The following PLOD2 variants were observed in gnomAD, a reference collection of about 807,000 sequenced individuals.
PLOD2 encodes the protein lysine hydroxylase 2.
PLOD2 carries 65 observed loss-of-function variants against 101.0 expected under a neutral mutation model. That is an observed-to-expected ratio of 0.64 (90% confidence interval 0.53 to 0.79). PLOD2 has a LOEUF of 0.79. PLOD2 is among the 30% of genes least tolerant of loss of function. PLOD2 has a pLI of 0.00. For missense variants in PLOD2, 909 were observed against 914.6 expected, an observed-to-expected ratio of 0.99 and a Z score of 0.08; for synonymous variants, 314 against 302.9, an observed-to-expected ratio of 1.04 and a Z score of -0.38.
intron 7 of PLOD2, among the ~76,000 whole-genome samples, chr3:146,093,723 A>G (rs896439043): frequency 6.6e-6 from 1 of 152,172 alleles, no homozygotes; most frequent in Non-Finnish European, 1.5e-5. Context: ...TGGTATTTCC[A>G]CCATCTCAGA....
At chr3:146,084,210 A>G (rs1276868882) in intron 11 of PLOD2, among the ~76,000 whole-genome samples, 1 of 152,102 alleles carries the variant, frequency 6.6e-6, no homozygotes, top group Non-Finnish European at 1.5e-5. Context: ...CCTCATTCAT[A>G]TGCTTTGGAA....
intron 5 of PLOD2, 117 bp downstream of exon 5, chr3:146,106,415 A>G: frequency 1.4e-6 from 1 of 713,880 alleles, no homozygotes; most frequent in Non-Finnish European, 2.6e-6. Flanking sequence ...TTTGAAATTC[A>G]GTTTACCATT....
intron 14 of PLOD2, chr3:146,077,283 T>A: frequency 2.3e-6 from 1 of 436,954 alleles, no homozygotes; most frequent in Non-Finnish European, 3.1e-6. Context: ...ATCACATTTT[T>A]AATCAAGAAT....
intron 1 of PLOD2, among the ~76,000 whole-genome samples, chr3:146,151,359 T>C (rs2108141273): frequency 1.3e-5 from 2 of 152,186 alleles, no homozygotes; most frequent in Non-Finnish European, 2.9e-5. Flanking sequence ...TAGCAGGGCA[T>C]AGTAGCGCAT....
rs796281109 is a variant in PLOD2 at position 146,124,160 on chromosome 3, T to C, written c.179A>G (p.Lys60Arg). The C allele has an allele frequency of 2.5e-6, 4 of 1,577,858 alleles. No individual in the cohort carries two copies. Among genetic ancestry groups the C allele is most frequent in the African/African-American group, 1.3e-5 (1 of 74,158 alleles). The stretch of plus-strand genomic sequence containing the variant: ...TACCTTCACAGTATAATTGAAATAT[T>C]TGGCTGACTGCATAAATCGATGGAA... The part of the protein sequence containing the change: ...DGFHRFMQSA[K>R]YFNYTVKVLG... The change falls in exon 2 of 20, where the codon AAA becomes AGA. Residue 60 changes from lysine (K) to arginine (R), a missense_variant. Physicochemically the swap from Lys to Arg is conservative, Grantham distance 26. Coordinates refer to ENST00000282903, the MANE Select transcript of PLOD2 (RefSeq NM_182943.3).
chr3:146,091,766 TTAC>T (rs768229880), intron 8 of PLOD2, 31 bp downstream of exon 8: 2 of 1,108,518 alleles, frequency 1.8e-6, no homozygotes, highest in South Asian at 2.5e-5. Context: ...GTACTTTCTA[TTAC>T]TACATTTCAC....
intron 11 of PLOD2, among the ~76,000 whole-genome samples, chr3:146,083,869 C>A (rs919624225): frequency 3.9e-5 from 6 of 151,956 alleles, no homozygotes; most frequent in Admixed American, 3.3e-4. Context: ...GCGTGAGCCA[C>A]CACACCCGGC....
At chr3:146,077,394 G>C in intron 14 of PLOD2, 1 of 163,858 alleles carries the variant, frequency 6.1e-6, no homozygotes, top group African/African-American at 2.4e-5. Context: ...GGCAGATAAA[G>C]AAAACCAGTC....
At chr3:146,137,665 T>G (rs1005127480) in intron 1 of PLOD2, among the ~76,000 whole-genome samples, 1 of 152,142 alleles carries the variant, frequency 6.6e-6, no homozygotes, top group Non-Finnish European at 1.5e-5. Context: ...CAAATACTTG[T>G]ATAAACAAGA....
At chr3:146,139,560 T>C (rs968925751) in intron 1 of PLOD2, among the ~76,000 whole-genome samples, 2 of 152,162 alleles carry the variant, frequency 1.3e-5, no homozygotes, top group Non-Finnish European at 2.9e-5. Flanking sequence ...GGTTTTATTA[T>C]GATGCAGGAA....
At chr3:146,104,250 G>A (rs753795437) in intron 6 of PLOD2, 29 bp downstream of exon 6, 15 of 1,391,356 alleles carry the variant, frequency 1.1e-5, no homozygotes, top group East Asian at 2.3e-5. Context: ...GTTTGTATAC[G>A]TAAGCAATCC....
At chr3:146,115,090 G>A (rs535848351) in intron 3 of PLOD2, among the ~76,000 whole-genome samples, 1 of 152,084 alleles carries the variant, frequency 6.6e-6, no homozygotes, top group African/African-American at 2.4e-5. Flanking sequence ...GTCTCCCCCG[G>A]ACACCCAGCT....
chr3:146,085,315 A>T (rs1318481814), intron 10 of PLOD2, 42 bp from the exon 11 acceptor site: 1 of 949,636 alleles, frequency 1.1e-6, no homozygotes, highest in Non-Finnish European at 1.7e-6. Flanking sequence ...GACATAAAAT[A>T]AATATCTGCT....
At chr3:146,081,649 G>T in intron 12 of PLOD2, 89 bp downstream of exon 12, 4 of 1,100,950 alleles carry the variant, frequency 3.6e-6, no homozygotes, top group Non-Finnish European at 5.4e-6. Flanking sequence ...GAAAAGAGAT[G>T]AATGCAAAAA....
At chr3:146,160,263 C>A (rs1273126334) in intron 1 of PLOD2, among the ~76,000 whole-genome samples, 1 of 152,152 alleles carries the variant, frequency 6.6e-6, no homozygotes. Context: ...GCACCGGGCT[C>A]AAGAAAAGGG....
rs1180083269 is a variant in PLOD2, at chr3:146,161,137, G to C, written c.-148C>G. On this transcript the variant is annotated 5_prime_UTR_variant, in exon 1 of 20. Coordinates refer to ENST00000282903, the MANE Select transcript of PLOD2 (RefSeq NM_182943.3). The stretch of plus-strand genomic sequence containing the variant: ...AAGGCGCGCGGCCGGCAGCCGGAGC[G>C]GCGCGTAACGCAGCTGAGTGAGGTC... 1 of 437,706 alleles carries C rather than the reference G, an allele frequency of 2.3e-6. No homozygotes were observed. Among genetic ancestry groups the C allele is most frequent in the Non-Finnish European group, 3.9e-6 (1 of 257,018 alleles). 27.1% of individuals were successfully genotyped at this position (437,706 alleles called of 1,614,324 possible). A position where few individuals can be genotyped will look rare whatever the true frequency, so the allele number is the denominator to read the frequency against.
intron 3 of PLOD2, among the ~76,000 whole-genome samples, chr3:146,120,213 A>C (rs1020409678): frequency 3.2e-4 from 48 of 152,024 alleles, no homozygotes; most frequent in Non-Finnish European, 6.5e-4. Context: ...GCATTTTTTC[A>C]TGTGTATTTT....
intron 1 of PLOD2, among the ~76,000 whole-genome samples, chr3:146,136,973 C>T (rs1427459062): frequency 6.6e-6 from 1 of 152,200 alleles, no homozygotes; most frequent in Non-Finnish European, 1.5e-5. Flanking sequence ...TGAAACACTT[C>T]TGGTCCCAAG....
intron 3 of PLOD2, among the ~76,000 whole-genome samples, chr3:146,118,153 T>C (rs1938005346): frequency 6.6e-6 from 1 of 152,138 alleles, no homozygotes; most frequent in Non-Finnish European, 1.5e-5. Flanking sequence ...AACCAAAACA[T>C]ACCCAGTATT....
Sources: allele counts gnomAD v4.1 joint callset (sites outside exome capture counted in the v4.1 genomes callset), GRCh38; gene constraint gnomAD v4.1.1; transcripts MANE v1.5; gene names NCBI Gene and HGNC (gene_info 2026-07-23, HGNC 2026-07-21).